PTPRQ: variants seen among roughly 807,000 people sequenced by gnomAD.
PTPRQ encodes the protein phosphatidylinositol phosphatase PTPRQ.
A neutral mutation model predicts 246.0 loss-of-function variants in PTPRQ; 199 were observed. The ratio of observed to expected loss-of-function variants is 0.81; its 90% CI spans 0.72 to 0.91. The LOEUF (loss-of-function observed/expected upper bound fraction) is 0.91, where lower values mean the gene tolerates loss of function less well. Ranked by LOEUF, PTPRQ falls within the 40% of genes least tolerant of loss-of-function variation. The pLI, the probability that PTPRQ is intolerant of heterozygous loss-of-function variation, is 0.00. For synonymous variants in PTPRQ, 869 were observed against 853.2 expected (o/e 1.02, Z -0.32); for missense variants, 2,624 against 2,528.4 (o/e 1.04, Z -0.81).
intron 8 of PTPRQ, among the ~76,000 whole-genome samples, chr12:80,472,626 C>T (rs924925986): frequency 1.3e-5 from 2 of 152,088 alleles, no homozygotes; most frequent in African/African-American, 4.8e-5. Flanking sequence ...TAGAAGAATT[C>T]CTATACTCCC....
chr12:80,673,218 CA>C lies in PTPRQ; in HGVS notation c.6654del (p.Gln2218HisfsTer3). 2 of 1,550,946 alleles carry C rather than the reference CA, an allele frequency of 1.3e-6. No individual in the cohort carries two copies. Among genetic ancestry groups the C allele is most frequent in the Non-Finnish European group, 1.7e-6 (2 of 1,146,486 alleles). On this transcript the variant is annotated frameshift_variant, in exon 43 of 45. Transcript: ENST00000644991. LOFTEE classifies it high-confidence loss of function. Reference sequence around the variant, plus strand: ...TTTTATTGCTCTGGACCATTTAACACAACATATAAATGACCATGATTTTGTG... The same window carrying C: ...TTTTATTGCTCTGGACCATTTAACACACATATAAATGACCATGATTTTGTG... The part of the protein sequence containing the change: ...GVFIALDHLT[Q>X]HINDHDFVDI...
At position 80,484,551 on chromosome 12, in the gene PTPRQ, A is replaced by T; in HGVS notation, c.1305A>T (p.Leu435=). 2 of 1,550,826 alleles carry T rather than the reference A, an allele frequency of 1.3e-6. No individual in the cohort carries two copies. The highest frequency in any genetic ancestry group is 1.7e-6 in the Non-Finnish European group (2 of 1,146,750). The change falls in exon 9 of 45, where the codon CTA becomes CTT. Residue 435 remains leucine (L), a synonymous_variant. Transcript: ENST00000644991. ...TTAACCAATACCGAGTGAAAGTGCT[A>T]GTTCCAGAGACAGGAATAATTTTGG... ...GIINQYRVKV[L]VPETGIILEN...
intron 43 of PTPRQ, among the ~76,000 whole-genome samples, chr12:80,675,564 G>A (rs1762894566): frequency 6.6e-6 from 1 of 152,158 alleles, no homozygotes; most frequent in Admixed American, 6.6e-5. Flanking sequence ...GGATGGAACT[G>A]ACGGTTTCCT....
At chr12:80,454,071 T>C (rs1386753386) in intron 3 of PTPRQ, among the ~76,000 whole-genome samples, 1 of 93,878 alleles carries the variant, frequency 1.1e-5, no homozygotes, top group Non-Finnish European at 2.0e-5. Context: ...GCCTGGGCAA[T>C]GGCGGGTGCC....
intron 26 of PTPRQ, among the ~76,000 whole-genome samples, chr12:80,601,284 T>G (rs1592704597): frequency 1.3e-5 from 2 of 151,940 alleles, no homozygotes; most frequent in Non-Finnish European, 2.9e-5. Flanking sequence ...CCATGGTCTT[T>G]GTCTCTTTGG....
chr12:80,492,716 A>G (rs1032598573), intron 9 of PTPRQ, among the ~76,000 whole-genome samples: 7 of 151,968 alleles, frequency 4.6e-5, no homozygotes, highest in Non-Finnish European at 1.0e-4. Context: ...CCTTATGTCC[A>G]GAGTCTTGAC....
intron 25 of PTPRQ, among the ~76,000 whole-genome samples, chr12:80,569,867 A>G (rs1897093661): frequency 6.6e-6 from 1 of 152,084 alleles, no homozygotes; most frequent in Admixed American, 6.6e-5. Flanking sequence ...TTTGCTGAGA[A>G]TGATGGTTTC....
chr12:80,458,387 C>A (rs895609651), intron 4 of PTPRQ, among the ~76,000 whole-genome samples: 8 of 152,060 alleles, frequency 5.3e-5, no homozygotes, highest in African/African-American at 1.7e-4. Context: ...TACCTTATAT[C>A]ATTCATATAG....
rs559926582 is a variant in PTPRQ at position 80,444,721 on chromosome 12, A to C, written c.55-20A>C. The C allele has an allele frequency of 6.0e-6, 9 of 1,507,114 alleles. No individual in the cohort carries two copies. The highest frequency in any genetic ancestry group is 5.0e-5 in the East Asian group (2 of 40,120). The allele number at this position is 1,507,114 out of a possible 1,614,324, so 93.4% of individuals were successfully genotyped here. ...TTCCAGAAAGAATTTTAATGCAACT[A>C]TTTGTTTGTGGTGTTCTAGGTTGAT... On this transcript the variant is annotated intron_variant, in intron 1 of 44. Coordinates refer to ENST00000644991, the MANE Select transcript of PTPRQ (RefSeq NM_001145026.2).
At chr12:80,634,790 G>T in intron 34 of PTPRQ, 155 bp from the exon 35 acceptor site, 2 of 1,084,878 alleles carry the variant, frequency 1.8e-6, no homozygotes, top group Non-Finnish European at 2.5e-6. Context: ...ACAAGAAAAA[G>T]AAGTCGAGTA....
intron 35 of PTPRQ, among the ~76,000 whole-genome samples, chr12:80,636,656 T>C (rs1464049556): frequency 6.6e-6 from 1 of 152,190 alleles, no homozygotes; most frequent in Non-Finnish European, 1.5e-5. Flanking sequence ...AATCTGTTCA[T>C]ACTAAAATGT....
At chr12:80,588,857 T>TAA (rs1565804330) in intron 26 of PTPRQ, among the ~76,000 whole-genome samples, 2 of 152,260 alleles carry the variant, frequency 1.3e-5, no homozygotes, top group Non-Finnish European at 2.9e-5. Context: ...ACTTCAAACT[T>TAA]ACACACACAC....
At position 80,534,323 on chromosome 12, in the gene PTPRQ, T is replaced by C. The variant is rs1217026788; in HGVS notation, c.2839+148T>C. 1.5e-5 allele frequency: 13 copies of C among 893,656 alleles called. No homozygotes were observed. The Admixed American group carries it at 1.5e-4, about 10-fold the overall frequency. The allele number at this position is 893,656 out of a possible 1,614,324, so 55.4% of individuals were successfully genotyped here. A position where few individuals can be genotyped will look rare whatever the true frequency, so the allele number is the denominator to read the frequency against. On this transcript the variant is annotated intron_variant, in intron 18 of 44. Transcript: ENST00000644991. Reference sequence around the variant, plus strand: ...GAAAAATTGCATTTTGATCACTTTTTAGCTGTGTGATGTTGGGAAAATTAA... The same window carrying C: ...GAAAAATTGCATTTTGATCACTTTTCAGCTGTGTGATGTTGGGAAAATTAA...
intron 9 of PTPRQ, among the ~76,000 whole-genome samples, chr12:80,487,344 AG>A (rs1894310228): frequency 6.6e-6 from 1 of 152,148 alleles, no homozygotes; most frequent in African/African-American, 2.4e-5. Context: ...AGGTTCCCAC[AG>A]GGCACCCATA....
chr12:80,570,552 T>C (rs1897116161), intron 25 of PTPRQ, among the ~76,000 whole-genome samples: 1 of 152,214 alleles, frequency 6.6e-6, no homozygotes. Flanking sequence ...ACTCTGATGA[T>C]ACTTTCTTTT....
In PTPRQ at chr12:80,610,641, C is replaced by G. The variant is rs1464560615; in HGVS notation, c.4918+16C>G. 6.5e-7 allele frequency: 1 copy of G among 1,538,602 alleles called. No individual in the cohort carries two copies. The highest frequency in any genetic ancestry group is 2.0e-5 in the Admixed American group (1 of 50,300). The stretch of plus-strand genomic sequence containing the variant: ...TTAGAATCAGGTAAGGAGAATTTCT[C>G]AACCTTGCTAAAAATTGACTGAGAT... On this transcript the variant is annotated intron_variant, in intron 28 of 44. Transcript: ENST00000644991.
At chr12:80,516,751 A>G (rs1453733286) in intron 17 of PTPRQ, among the ~76,000 whole-genome samples, 1 of 152,218 alleles carries the variant, frequency 6.6e-6, no homozygotes, top group Admixed American at 6.5e-5. Flanking sequence ...CATATAATAT[A>G]GATCAATCAT....
chr12:80,478,563 C>T (rs909099321), intron 8 of PTPRQ, among the ~76,000 whole-genome samples: 18 of 152,008 alleles, frequency 1.2e-4, no homozygotes, highest in African/African-American at 1.7e-4. Flanking sequence ...AAGCTTCAGA[C>T]GATCAAATTA....
chr12:80,465,504 A>G (rs551329014), intron 6 of PTPRQ: 52 of 152,366 alleles, frequency 3.4e-4, no homozygotes, highest in African/African-American at 1.2e-3. Flanking sequence ...AACTCATTTT[A>G]TGAGGCCAGC....
Sources: allele counts gnomAD v4.1 joint callset (sites outside exome capture counted in the v4.1 genomes callset), GRCh38; gene constraint gnomAD v4.1.1; transcripts MANE v1.5; gene names NCBI Gene and HGNC (gene_info 2026-07-23, HGNC 2026-07-21).